TNKS: variants seen among roughly 807,000 people sequenced by gnomAD.
The protein encoded by TNKS is poly [ADP-ribose] polymerase tankyrase-1.
A neutral mutation model predicts 135.8 loss-of-function variants in TNKS; 72 were observed. The ratio of observed to expected loss-of-function variants is 0.53; its 90% CI spans 0.44 to 0.64. The LOEUF is 0.64. Ranked by LOEUF, TNKS falls within the 30% of genes least tolerant of loss-of-function variation. The probability of loss-of-function intolerance (pLI) is 0.00; values close to 1 mark genes in which losing one functional copy is unlikely to be tolerated. For missense variants in TNKS, 1,769 were observed against 1,674.0 expected (o/e 1.06, Z -0.99); for synonymous variants, 849 against 649.3 (o/e 1.31, Z -4.68).
At chr8:9,576,335 G>T (rs1797942865) in intron 1 of TNKS, among the ~76,000 whole-genome samples, 1 of 152,078 alleles carries the variant, frequency 6.6e-6, no homozygotes, top group South Asian at 2.1e-4. Context: ...TCATAGTTCT[G>T]CAGGCTGTAC....
Position 9,648,888 on chromosome 8 carries a change from T to C in TNKS, c.995-31063T>C, listed in dbSNP as rs571586037. Among the ~76,000 whole-genome samples, 156 of 151,720 alleles carry C rather than the reference T, an allele frequency of 1.0e-3. 1 individual carries two copies. Among genetic ancestry groups the C allele is most frequent in the African/African-American group, 3.6e-3 (150 of 41,348 alleles). On this transcript the variant is annotated intron_variant, in intron 3 of 26. Transcript: ENST00000310430. ...CGATGACAGAGGGGTCTGTTATATC[T>C]AGGCTTAGAACTAAGAATGAAAGTT...
intron 12 of TNKS, among the ~76,000 whole-genome samples, chr8:9,723,961 T>C (rs1023756464): frequency 2.0e-5 from 3 of 152,182 alleles, no homozygotes; most frequent in Non-Finnish European, 4.4e-5. Context: ...AGTGGCACAT[T>C]GAAATAAGCC....
intron 3 of TNKS, among the ~76,000 whole-genome samples, chr8:9,679,238 G>T (rs146551500): frequency 6.6e-6 from 1 of 152,252 alleles, no homozygotes; most frequent in East Asian, 1.9e-4. Context: ...TTTATTATAT[G>T]TTAAAATTGG....
intron 3 of TNKS, among the ~76,000 whole-genome samples, chr8:9,616,757 G>A (rs1044185458): frequency 1.3e-5 from 2 of 152,124 alleles, no homozygotes; most frequent in African/African-American, 4.8e-5. Flanking sequence ...AGTGTATTTA[G>A]TTGCTGGATA....
chr8:9,575,392 G>T, intron 1 of TNKS: 1 of 985,228 alleles, frequency 1.0e-6, no homozygotes, highest in Non-Finnish European at 1.2e-6. Flanking sequence ...TTTTTTAAGA[G>T]GAACAAGGTG....
At chr8:9,593,114 G>A (rs1798647471) in intron 2 of TNKS, among the ~76,000 whole-genome samples, 1 of 152,178 alleles carries the variant, frequency 6.6e-6, no homozygotes, top group Non-Finnish European at 1.5e-5. Context: ...AGGAGTTGAG[G>A]TAGGGAGGGA....
At chr8:9,703,480 G>T (rs1238293641) in intron 5 of TNKS, among the ~76,000 whole-genome samples, 3 of 152,100 alleles carry the variant, frequency 2.0e-5, no homozygotes, top group Admixed American at 2.0e-4. Flanking sequence ...ACTTCCACTG[G>T]GTTGCATAAT....
In TNKS at chr8:9,720,382, A is replaced by G. The variant is rs1208904201; in HGVS notation, c.1758A>G (p.Ala586=). The part of the protein sequence containing the change: ...VLHKHGAKMN[A]LDTLGQTALH... ...ACGCAATGATTTTTCAGATGAATGC[A>G]CTGGACACCCTTGGTCAGACTGCTT... Residue 586 remains alanine (A), a synonymous_variant, in exon 12 of 27, where the codon GCA becomes GCG. Transcript: ENST00000310430. 44 of 1,604,128 alleles carry G rather than the reference A, an allele frequency of 2.7e-5. No individual in the cohort carries two copies. The highest frequency in any genetic ancestry group is 3.4e-5 in the Non-Finnish European group (40 of 1,175,958).
chr8:9,774,859 T>C (rs1324208358), intron 26 of TNKS, among the ~76,000 whole-genome samples: 4 of 152,172 alleles, frequency 2.6e-5, no homozygotes, highest in Admixed American at 6.5e-5. Context: ...GCAAGTAAAA[T>C]GTCATAGAAA....
At chr8:9,681,706 G>A (rs951854098) in intron 5 of TNKS, among the ~76,000 whole-genome samples, 2 of 151,934 alleles carry the variant, frequency 1.3e-5, no homozygotes, top group Non-Finnish European at 2.9e-5. Context: ...CAGGATGGAT[G>A]GTACCCCTTA....
At chr8:9,682,163 A>T (rs970111014) in intron 5 of TNKS, among the ~76,000 whole-genome samples, 1 of 152,142 alleles carries the variant, frequency 6.6e-6, no homozygotes, top group East Asian at 1.9e-4. Context: ...AGTGATTTCT[A>T]TCACTGTGTA....
At chr8:9,775,032 A>G (rs1808142237) in intron 26 of TNKS, among the ~76,000 whole-genome samples, 1 of 152,142 alleles carries the variant, frequency 6.6e-6, no homozygotes, top group Non-Finnish European at 1.5e-5. Flanking sequence ...ATCTCACACC[A>G]GAGTGTTCTT....
Position 9,615,648 on chromosome 8 carries a change from C to T in TNKS, c.965C>T (p.Ala322Val). ...GATGGGAAATCAGCCCTGGACCTGGCAGATCCTTCAGCAAAAGCTGTCCTT... is the reference window on the plus strand; with the variant it reads ...GATGGGAAATCAGCCCTGGACCTGGTAGATCCTTCAGCAAAAGCTGTCCTT... ...NTDGKSALDL[A>V]DPSAKAVLTG... Residue 322 changes from alanine to valine, a missense_variant, in exon 3 of 27, where the codon GCA becomes GTA. By Grantham distance (64) the Ala-to-Val change is moderately conservative. Around this residue, in one of 5 missense-constraint regions of TNKS, gnomAD observed 523 missense variants for 541.0 expected, o/e 0.97. Transcript: ENST00000310430. The T allele has an allele frequency of 1.9e-6, 3 of 1,613,154 alleles. No homozygotes were observed. Among genetic ancestry groups the T allele is most frequent in the Non-Finnish European group, 2.5e-6 (3 of 1,179,582 alleles).
intron 1 of TNKS, among the ~76,000 whole-genome samples, chr8:9,568,904 G>A (rs12676898): frequency 0.25 from 37,558 of 152,018 alleles, 4,811 homozygotes; most frequent in East Asian, 0.4. Flanking sequence ...TACTTCTGCT[G>A]TGTTAGAATC....
intron 2 of TNKS, among the ~76,000 whole-genome samples, chr8:9,587,768 A>G (rs1798444090): frequency 6.6e-6 from 1 of 152,136 alleles, no homozygotes; most frequent in African/African-American, 2.4e-5. Context: ...TAGGAGAGTA[A>G]GTTTGTTGTT....
At chr8:9,606,770 A>G (rs1043974421) in intron 2 of TNKS, among the ~76,000 whole-genome samples, 3 of 152,062 alleles carry the variant, frequency 2.0e-5, no homozygotes, top group Non-Finnish European at 4.4e-5. Context: ...AGTAGTGGAC[A>G]TGGTAGTCAC....
intron 11 of TNKS, among the ~76,000 whole-genome samples, chr8:9,717,074 T>C (rs1434647175): frequency 2.8e-5 from 2 of 71,582 alleles, no homozygotes; most frequent in African/African-American, 4.8e-5. Flanking sequence ...TGTATTATAA[T>C]ATATATATAT....
intron 17 of TNKS, chr8:9,743,716 C>A (rs763195527): frequency 2.4e-4 from 37 of 153,542 alleles, no homozygotes; most frequent in Non-Finnish European, 4.5e-4. Flanking sequence ...AGCGAGACCC[C>A]ATTTCTACCA....
chr8:9,684,247 T>G (rs982572157), intron 5 of TNKS, among the ~76,000 whole-genome samples: 1 of 152,052 alleles, frequency 6.6e-6, no homozygotes, highest in Non-Finnish European at 1.5e-5. Context: ...TTAATCTCCC[T>G]TTACAGTGTT....
Sources: allele counts gnomAD v4.1 joint callset (sites outside exome capture counted in the v4.1 genomes callset), GRCh38; gene constraint gnomAD v4.1.1; regional missense constraint gnomAD v4.1.1; transcripts MANE v1.5; gene names NCBI Gene and HGNC (gene_info 2026-07-23, HGNC 2026-07-21).